Variants in LYG2 observed in about 807,000 individuals in gnomAD.
The protein encoded by LYG2 is lysozyme g-like protein 2.
A neutral mutation model predicts 22.4 loss-of-function variants in LYG2; 25 were observed. The observed-to-expected ratio is 1.12, with a 90% CI of 0.81 to 1.56. The LOEUF (loss-of-function observed/expected upper bound fraction) is 1.56, where lower values mean the gene tolerates loss of function less well. Among genes scored for constraint, LYG2 ranks in the 40% most tolerant of loss-of-function variants. LYG2 has a pLI of 0.00. For synonymous variants in LYG2, 88 were observed against 97.0 expected (o/e 0.91, Z 0.55); for missense variants, 266 against 269.5 (o/e 0.99, Z 0.09).
upstream of LYG2, among the ~76,000 whole-genome samples, chr2:99,258,594 C>T (rs1369004508): frequency 6.6e-6 from 1 of 152,178 alleles, no homozygotes; most frequent in Non-Finnish European, 1.5e-5. Flanking sequence ...GCCACACAAG[C>T]AGCTGCAGCC....
upstream of LYG2, among the ~76,000 whole-genome samples, chr2:99,257,048 A>G (rs1027797968): frequency 3.3e-5 from 5 of 152,240 alleles, no homozygotes; most frequent in Admixed American, 2.0e-4. Context: ...TCCAAAATCC[A>G]TGCTCTTCCA....
rs532072864 is a variant in LYG2, at chr2:99,247,601, C to T, written c.44-781G>A. On this transcript the variant is annotated intron_variant, in intron 3 of 6. Coordinates refer to ENST00000333017, the MANE Select transcript of LYG2 (RefSeq NM_175735.4). ...CTTGCCTCCCTACCTTCCTCCCTCC[C>T]TCCTTCCTTTTACAGTCCCCAGTGT... Among the ~76,000 whole-genome samples the T allele has an allele frequency of 2.6e-5, 4 of 152,300 alleles. No individual in the cohort carries two copies. The South Asian group carries it at 8.3e-4, about 32-fold the overall frequency.
the LYG2 span, among the ~76,000 whole-genome samples, chr2:99,261,380 C>T: frequency 6.6e-6 from 1 of 152,116 alleles, no homozygotes; most frequent in African/African-American, 2.4e-5. Context: ...TAACTCCACC[C>T]GCAGTTACAA....
At chr2:99,248,945 C>T (rs1034408781) in intron 3 of LYG2, among the ~76,000 whole-genome samples, 7 of 152,034 alleles carry the variant, frequency 4.6e-5, no homozygotes, top group Non-Finnish European at 7.4e-5. Context: ...TAAGTCAAAT[C>T]TATTCTTGTC....
intron 3 of LYG2, among the ~76,000 whole-genome samples, chr2:99,247,096 T>C (rs905506252): frequency 1.3e-5 from 2 of 152,168 alleles, no homozygotes; most frequent in South Asian, 2.1e-4. Flanking sequence ...CAGTCTTTTT[T>C]TTTCCTTTTT....
rs200638885 is a variant in LYG2, at chr2:99,244,120, G to T, written c.399C>A (p.Tyr133Ter). The T allele has an allele frequency of 1.5e-5, 24 of 1,612,968 alleles. No individual in the cohort carries two copies. Among genetic ancestry groups the T allele is most frequent in the Non-Finnish European group, 1.9e-5 (23 of 1,179,784 alleles). Residue 133 changes from tyrosine (Y) to a stop codon, truncating the protein, a stop_gained, in exon 6 of 7, where the codon TAC (tyrosine) becomes TAA (stop). Coordinates refer to ENST00000333017, the MANE Select transcript of LYG2 (RefSeq NM_175735.4). LOFTEE classifies it high-confidence loss of function. ...FGLMQLDKQT[Y>*]HPVGAWDSKE... ...TGCTATCCCAGGCACCGACAGGGTG[G>T]TACGTTTGTTTATCAAGCTAGAAAA...
chr2:99,255,184 G>C (rs1451907634), intron 1 of LYG2, 47 bp from the exon 2 acceptor site: 1 of 152,194 alleles, frequency 6.6e-6, no homozygotes, highest in Non-Finnish European at 1.5e-5. Context: ...TGCGCACCTG[G>C]CTTCAACAGA....
chr2:99,259,575 G>A (rs1021868157), upstream of LYG2, among the ~76,000 whole-genome samples: 4 of 152,074 alleles, frequency 2.6e-5, no homozygotes, highest in Non-Finnish European at 4.4e-5. Flanking sequence ...TTAAAGTAAC[G>A]TTTTCATTTT....
Position 99,244,018 on chromosome 2 carries a change from A to C in LYG2, c.501T>G (p.Ser167Arg). Reference protein sequence around the residue: ...KAIQKKFPTWSVAQHLKGGLS... With the variant: ...KAIQKKFPTWRVAQHLKGGLS... The stretch of plus-strand genomic sequence containing the variant: ...GCCTACCTTTGAGGTGCTGAGCAAC[A>C]CTCCACGTGGGGAATTTTTTCTGGA... The change falls in exon 6 of 7, where the codon AGT (serine) becomes AGG (arginine). Residue 167 changes from serine to arginine, a missense_variant. Coordinates refer to ENST00000333017, the MANE Select transcript of LYG2 (RefSeq NM_175735.4). 1 of 1,613,700 alleles carries C rather than the reference A, an allele frequency of 6.2e-7. No individual in the cohort carries two copies. The highest frequency in any genetic ancestry group is 8.5e-7 in the Non-Finnish European group (1 of 1,179,904).
In LYG2 at chr2:99,254,253, G is replaced by A; in HGVS notation, c.8C>T (p.Ser3Phe). Residue 3 changes from serine (S) to phenylalanine (F), a missense_variant, in exon 3 of 7, where the codon TCC (serine) becomes TTC (phenylalanine). Ser to Phe is a radical substitution (Grantham distance 155). Transcript: ENST00000333017. ...AATTAGTCCCCAAAACACCACGGAG[G>A]ATAACATGGCGGGGAATCTTATCTT... Reference protein sequence around the residue: MLSSVVFWGLIAL... With the variant: MLFSVVFWGLIAL... 1 of 1,614,016 alleles carries A rather than the reference G, an allele frequency of 6.2e-7. No individual in the cohort carries two copies. Among genetic ancestry groups the A allele is most frequent in the Middle Eastern group, 1.7e-4 (1 of 6,060 alleles).
chr2:99,253,630 G>C (rs925110503), intron 3 of LYG2, among the ~76,000 whole-genome samples: 3 of 151,702 alleles, frequency 2.0e-5, no homozygotes, highest in African/African-American at 7.3e-5. Context: ...CCCCTCGTCT[G>C]TCCAGACCAC....
the LYG2 span, among the ~76,000 whole-genome samples, chr2:99,261,226 T>C: frequency 6.6e-6 from 1 of 152,038 alleles, no homozygotes; most frequent in African/African-American, 2.4e-5. Context: ...AAGGAATGGC[T>C]TAAGTAATGG....
chr2:99,245,468 T>C lies in LYG2; in HGVS notation c.185-10A>G, dbSNP rs987992519. The C allele has an allele frequency of 6.4e-7, 1 of 1,566,476 alleles. No homozygotes were observed. The highest frequency in any genetic ancestry group is 8.7e-7 in the Non-Finnish European group (1 of 1,145,352). On this transcript the variant is annotated splice_polypyrimidine_tract_variant and intron_variant, in intron 4 of 6. Transcript: ENST00000333017. ...TCAGAACCACGGATCCCTACGTCAA[T>C]AGAAAAGAAACTGTTTTTCCGGGCA...
At chr2:99,257,612 A>G (rs879263980), upstream of LYG2, among the ~76,000 whole-genome samples, 1 of 152,180 alleles carries the variant, frequency 6.6e-6, no homozygotes, top group Non-Finnish European at 1.5e-5. Flanking sequence ...TCAGTCCCCA[A>G]AATAAAAACA....
At chr2:99,243,561 G>GACCCC in intron 6 of LYG2, 1 of 1,393,622 alleles carries the variant, frequency 7.2e-7, no homozygotes, top group Non-Finnish European at 9.8e-7. Context: ...TGAGAGATGG[G>GACCCC]GTCTCACTCT....
intron 5 of LYG2, among the ~76,000 whole-genome samples, chr2:99,244,862 G>A (rs2094012831): frequency 6.6e-6 from 1 of 152,112 alleles, no homozygotes; most frequent in Non-Finnish European, 1.5e-5. Context: ...TGTAATCCCA[G>A]CACTTTGGGA....
At chr2:99,260,175 C>T (rs1372426480), upstream of LYG2, among the ~76,000 whole-genome samples, 1 of 152,072 alleles carries the variant, frequency 6.6e-6, no homozygotes, top group African/African-American at 2.4e-5. Context: ...GTTGGCCAGG[C>T]TGGTCTCAAA....
At chr2:99,252,343 G>A (rs975948266) in intron 3 of LYG2, among the ~76,000 whole-genome samples, 12 of 149,018 alleles carry the variant, frequency 8.1e-5, no homozygotes, top group Non-Finnish European at 1.6e-4. Context: ...GTGAGCCACC[G>A]TGCCCAGCCC....
At chr2:99,244,663 G>A (rs1057388301) in intron 5 of LYG2, among the ~76,000 whole-genome samples, 9 of 152,134 alleles carry the variant, frequency 5.9e-5, no homozygotes, top group African/African-American at 2.2e-4. Flanking sequence ...TAACAATAAT[G>A]CTATTTATAA....
Sources: gnomAD v4.1 joint callset for allele counts (sites outside exome capture counted in the v4.1 genomes callset) on GRCh38, gnomAD v4.1.1 for gene constraint, MANE v1.5 for transcripts, NCBI Gene and HGNC (gene_info 2026-07-23, HGNC 2026-07-21) for gene names.